The following RBFOX1 variants were observed in gnomAD, a reference collection of about 807,000 sequenced individuals.
The protein encoded by RBFOX1 is RNA binding fox-1 homolog 1.
Under a neutral mutation model 57.7 loss-of-function variants are expected in RBFOX1, and 8 were observed. The ratio of observed to expected loss-of-function variants is 0.14; its 90% CI spans 0.08 to 0.25. RBFOX1 has a LOEUF of 0.25. Ranked by LOEUF, RBFOX1 falls within the 10% of genes least tolerant of loss-of-function variation. The probability of loss-of-function intolerance (pLI) is 1.00; values close to 1 mark genes in which losing one functional copy is unlikely to be tolerated. For missense variants in RBFOX1, 611 were observed against 548.5 expected (o/e 1.11, Z -1.14); for synonymous variants, 326 against 222.4 (o/e 1.47, Z -4.15).
At chr16:6,792,247 A>T (rs910229439) in intron 3 of RBFOX1, among the ~76,000 whole-genome samples, 1 of 152,218 alleles carries the variant, frequency 6.6e-6, no homozygotes, top group Non-Finnish European at 1.5e-5. Context: ...TATAGGTGAT[A>T]TTTAGATTTT....
intron 3 of RBFOX1, among the ~76,000 whole-genome samples, chr16:5,616,898 C>T (rs915770725): frequency 1.3e-5 from 2 of 150,224 alleles, no homozygotes; most frequent in African/African-American, 2.5e-5. Context: ...TCTCCCCTGC[C>T]TCTTTTTCCA....
At chr16:5,566,545 T>C (rs1308447828) in intron 2 of RBFOX1, among the ~76,000 whole-genome samples, 2 of 151,932 alleles carry the variant, frequency 1.3e-5, no homozygotes, top group Non-Finnish European at 2.9e-5. Flanking sequence ...TTGCTCCATC[T>C]CCCAGAGATT....
rs1056984458 is a variant in RBFOX1, at chr16:6,034,679, C to T, written c.-127+14687C>T. On this transcript the variant is annotated intron_variant, in intron 1 of 15. Transcript: ENST00000550418. Reference sequence around the variant, plus strand: ...TTGGCGGGGACACAAACCTTCATACCGTAACAGAATGTTTTGCAGTTCTTG... The same window carrying T: ...TTGGCGGGGACACAAACCTTCATACTGTAACAGAATGTTTTGCAGTTCTTG... Among the ~76,000 whole-genome samples, 4 of 152,244 alleles carry T rather than the reference C, an allele frequency of 2.6e-5. 1 individual carries two copies. The highest frequency in any genetic ancestry group is 2.0e-4 in the Admixed American group (3 of 15,286).
At chr16:7,373,636 C>G (rs1195168051) in intron 4 of RBFOX1, among the ~76,000 whole-genome samples, 1 of 151,838 alleles carries the variant, frequency 6.6e-6, no homozygotes, top group African/African-American at 2.4e-5. Context: ...AGGGCTTCTG[C>G]TATTTTGCTC....
intron 4 of RBFOX1, among the ~76,000 whole-genome samples, chr16:7,145,087 ACAGTGATCCCTTTC>A (rs1387452295): frequency 1.3e-5 from 2 of 152,184 alleles, no homozygotes; most frequent in Non-Finnish European, 2.9e-5. Flanking sequence ...TCCTAGCTTG[ACAGTGATCCCTTTC>A]CAGACATAAG....
intron 3 of RBFOX1, among the ~76,000 whole-genome samples, chr16:7,002,155 G>A (rs2092875749): frequency 6.6e-6 from 1 of 152,062 alleles, no homozygotes; most frequent in African/African-American, 2.4e-5. Context: ...GGTTATTGTG[G>A]CCATCCACCT....
intron 3 of RBFOX1, among the ~76,000 whole-genome samples, chr16:6,683,206 G>C (rs527828563): frequency 9.2e-4 from 140 of 152,270 alleles, no homozygotes; most frequent in Non-Finnish European, 1.7e-3. Context: ...AAAATAAAAA[G>C]GGTGAGAGAA....
chr16:7,471,804 A>G (rs895394834), intron 4 of RBFOX1, among the ~76,000 whole-genome samples: 1 of 152,304 alleles, frequency 6.6e-6, no homozygotes, highest in South Asian at 2.1e-4. Flanking sequence ...GTGATTCTCT[A>G]CTGTCTGGGA....
intron 3 of RBFOX1, among the ~76,000 whole-genome samples, chr16:6,688,775 C>A (rs1054697710): frequency 2.6e-5 from 4 of 152,132 alleles, no homozygotes; most frequent in African/African-American, 9.7e-5. Context: ...TCTCCTAATG[C>A]CATCCTTCCC....
chr16:6,820,527 C>T (rs995728934), intron 3 of RBFOX1, among the ~76,000 whole-genome samples: 4 of 151,986 alleles, frequency 2.6e-5, no homozygotes, highest in Non-Finnish European at 4.4e-5. Context: ...GGTATGGTGG[C>T]GTGCACCTAT....
intron 5 of RBFOX1, among the ~76,000 whole-genome samples, chr16:7,543,072 G>A (rs889885370): frequency 1.3e-5 from 2 of 152,146 alleles, no homozygotes; most frequent in African/African-American, 4.8e-5. Context: ...AAGAGGTTAG[G>A]TGGACCAAGC....
chr16:7,211,745 T>C (rs906809486), intron 4 of RBFOX1, among the ~76,000 whole-genome samples: 1 of 152,170 alleles, frequency 6.6e-6, no homozygotes, highest in Non-Finnish European at 1.5e-5. Context: ...GGCATTCGCC[T>C]GAACTAGGAG....
chr16:5,557,150 C>A (rs1458966246), intron 2 of RBFOX1, among the ~76,000 whole-genome samples: 1 of 151,928 alleles, frequency 6.6e-6, no homozygotes, highest in Non-Finnish European at 1.5e-5. Flanking sequence ...GTCCCAGCTA[C>A]TCAGGAGGCT....
intron 2 of RBFOX1, among the ~76,000 whole-genome samples, chr16:5,537,003 A>G (rs2044726580): frequency 6.6e-6 from 1 of 152,154 alleles, no homozygotes; most frequent in Non-Finnish European, 1.5e-5. Context: ...CATAACAAGG[A>G]TCATCTTCTC....
At chr16:6,223,900 A>G (rs1173087306) in intron 1 of RBFOX1, among the ~76,000 whole-genome samples, 1 of 152,220 alleles carries the variant, frequency 6.6e-6, no homozygotes, top group Non-Finnish European at 1.5e-5. Context: ...GAAGGGATCC[A>G]GTTTCAGCTT....
intron 4 of RBFOX1, among the ~76,000 whole-genome samples, chr16:5,898,525 G>T (rs370714748): frequency 2.8e-4 from 40 of 144,198 alleles, no homozygotes; most frequent in African/African-American, 9.5e-4. Flanking sequence ...CAGTAGCAGG[G>T]TTTTTTTTTT....
chr16:6,889,747 C>T (rs991123191), intron 3 of RBFOX1, among the ~76,000 whole-genome samples: 4 of 152,106 alleles, frequency 2.6e-5, no homozygotes, highest in Admixed American at 1.3e-4. Flanking sequence ...TTGGAATAGA[C>T]CCTTCAGTGG....
At chr16:7,612,393 T>G (rs1415479216) in intron 10 of RBFOX1, among the ~76,000 whole-genome samples, 1 of 149,762 alleles carries the variant, frequency 6.7e-6, no homozygotes, top group South Asian at 2.1e-4. Context: ...AGGTGAGTCA[T>G]GAAGTCTTTG....
intron 1 of RBFOX1, among the ~76,000 whole-genome samples, chr16:6,152,228 G>C (rs991849107): frequency 1.3e-5 from 2 of 152,106 alleles, no homozygotes; most frequent in African/African-American, 2.4e-5. Context: ...ATTAATAGTG[G>C]CTTTGATAAT....
Sources: gnomAD v4.1 joint callset for allele counts (sites outside exome capture counted in the v4.1 genomes callset) on GRCh38, gnomAD v4.1.1 for gene constraint, MANE v1.5 for transcripts, NCBI Gene and HGNC (gene_info 2026-07-23, HGNC 2026-07-21) for gene names.